Variants in TBL1XR1 observed in about 807,000 individuals in gnomAD.
TBL1XR1 encodes TBL1X/Y related 1, also known as F-box-like/WD repeat-containing protein TBL1XR1.
In TBL1XR1, 5 loss-of-function variants were observed where a neutral mutation model predicts 66.9. The ratio of observed to expected loss-of-function variants is 0.07; its 90% CI spans 0.04 to 0.16. The LOEUF (loss-of-function observed/expected upper bound fraction) is 0.16, where lower values mean the gene tolerates loss of function less well. Ranked by LOEUF, TBL1XR1 falls within the 10% of genes least tolerant of loss-of-function variation. The pLI, the probability that TBL1XR1 is intolerant of heterozygous loss-of-function variation, is 1.00. For missense variants in TBL1XR1, 238 were observed against 623.2 expected, an observed-to-expected ratio of 0.38 and a Z score of 6.58; for synonymous variants, 210 against 206.0, an observed-to-expected ratio of 1.02 and a Z score of -0.17.
At chr3:177,049,958 A>G in intron 7 of TBL1XR1, 39 bp downstream of exon 7, 3 of 1,604,046 alleles carry the variant, frequency 1.9e-6, no homozygotes, top group Non-Finnish European at 2.6e-6. Flanking sequence ...GGTTAGGTAT[A>G]CTAGTAATTA....
At chr3:177,117,374 A>G (rs1726428183) in intron 1 of TBL1XR1, among the ~76,000 whole-genome samples, 1 of 152,246 alleles carries the variant, frequency 6.6e-6, no homozygotes, top group Non-Finnish European at 1.5e-5. Flanking sequence ...TAAGGCTTCC[A>G]TTAAAGCCTG....
At chr3:177,036,300 T>C (rs1714773814) in intron 12 of TBL1XR1, among the ~76,000 whole-genome samples, 1 of 152,214 alleles carries the variant, frequency 6.6e-6, no homozygotes, top group African/African-American at 2.4e-5. Context: ...ATCTTGAGCT[T>C]ACAGTTCTCT....
chr3:177,156,547 A>ACT (rs1274343531), intron 1 of TBL1XR1, among the ~76,000 whole-genome samples: 2 of 145,506 alleles, frequency 1.4e-5, no homozygotes, highest in African/African-American at 2.5e-5. Context: ...ACACACACAC[A>ACT]CTTATATATA....
intron 2 of TBL1XR1, among the ~76,000 whole-genome samples, chr3:177,081,292 T>G (rs1254024065): frequency 6.6e-6 from 1 of 152,214 alleles, no homozygotes; most frequent in East Asian, 1.9e-4. Context: ...TACATGAAAT[T>G]TATTTTTCAT....
chr3:177,091,140 T>G (rs67841243), intron 2 of TBL1XR1: 1 of 151,952 alleles, frequency 6.6e-6, no homozygotes, highest in Non-Finnish European at 1.5e-5. Context: ...AGATTACACA[T>G]GAGGACTTAC....
intron 2 of TBL1XR1, among the ~76,000 whole-genome samples, chr3:177,085,534 T>C (rs183265986): frequency 6.6e-6 from 1 of 152,076 alleles, no homozygotes; most frequent in Non-Finnish European, 1.5e-5. Context: ...TTCTCAAAGA[T>C]GCCCATGAAG....
intron 7 of TBL1XR1, among the ~76,000 whole-genome samples, chr3:177,048,089 C>A (rs998284241): frequency 6.6e-6 from 1 of 152,014 alleles, no homozygotes; most frequent in Non-Finnish European, 1.5e-5. Context: ...TAATCCCTTC[C>A]CACTATGAAA....
intron 1 of TBL1XR1, chr3:177,131,508 ATCTT>A: frequency 4.5e-6 from 2 of 444,342 alleles, no homozygotes; most frequent in Non-Finnish European, 5.6e-6. Flanking sequence ...CATTCTGAAT[ATCTT>A]TTTTTTTTTT....
At chr3:177,044,735 T>C (rs1015337193) in intron 10 of TBL1XR1, 1 of 152,172 alleles carries the variant, frequency 6.6e-6, no homozygotes, top group African/African-American at 2.4e-5. Flanking sequence ...CTGAAGCTTA[T>C]TTATTCGTAA....
chr3:177,141,130 CTCTT>C (rs1729582115), intron 1 of TBL1XR1, among the ~76,000 whole-genome samples: 1 of 152,196 alleles, frequency 6.6e-6, no homozygotes, highest in Non-Finnish European at 1.5e-5. Flanking sequence ...TTAATACTGA[CTCTT>C]TAGTATAATT....
chr3:177,028,196 T>A (rs1026963051), intron 14 of TBL1XR1, among the ~76,000 whole-genome samples: 2 of 152,178 alleles, frequency 1.3e-5, no homozygotes, highest in African/African-American at 4.8e-5. Context: ...CAACTCATCA[T>A]ACAAGAAAGG....
chr3:177,130,311 C>T (rs1010751624), intron 1 of TBL1XR1, among the ~76,000 whole-genome samples: 1 of 151,978 alleles, frequency 6.6e-6, no homozygotes, highest in African/African-American at 2.4e-5. Flanking sequence ...TAAAAAGAAA[C>T]AACCAATTCT....
upstream of TBL1XR1, among the ~76,000 whole-genome samples, chr3:177,197,618 C>CCGGGCGGG (rs1311855525): frequency 1.1e-4 from 15 of 130,772 alleles, no homozygotes; most frequent in South Asian, 2.4e-3. Context: ...GCGGCCTGCG[C>CCGGGCGGG]CGGGCGGGCG....
chr3:177,148,747 C>T (rs1730535510), intron 1 of TBL1XR1, among the ~76,000 whole-genome samples: 2 of 151,946 alleles, frequency 1.3e-5, no homozygotes, highest in African/African-American at 2.4e-5. Flanking sequence ...CGATGGCTCA[C>T]GCCTGTAATC....
rs1491062826 is a variant in TBL1XR1, at chr3:177,149,016, AAG to A, written c.-122+48103_-122+48104del. On this transcript the variant is annotated intron_variant, in intron 1 of 15. Coordinates refer to ENST00000457928, the MANE Select transcript of TBL1XR1 (RefSeq NM_024665.7). ...GCAAAACTCCCTCAAAAAAAAAGAAAAGAAAAGAAAAGAAAAAACTCCAGGAG... is the reference window on the plus strand; with the variant it reads ...GCAAAACTCCCTCAAAAAAAAAGAAAAAAAGAAAAGAAAAAACTCCAGGAG... Among the ~76,000 whole-genome samples the A allele has an allele frequency of 7.1e-3, 447 of 62,546 alleles. 5 individuals carry two copies. The highest frequency in any genetic ancestry group is 0.012 in the African/African-American group (239 of 20,770). The allele number at this position is 62,546 out of a possible 152,430, so 41.0% of individuals were successfully genotyped here.
intron 1 of TBL1XR1, among the ~76,000 whole-genome samples, chr3:177,159,445 G>A (rs1190438219): frequency 6.6e-6 from 1 of 152,026 alleles, no homozygotes; most frequent in Non-Finnish European, 1.5e-5. Flanking sequence ...AAATACTATA[G>A]AAAAGTCAAT....
intron 3 of TBL1XR1, among the ~76,000 whole-genome samples, chr3:177,064,114 C>CT (rs1323559021): frequency 6.6e-6 from 1 of 152,172 alleles, no homozygotes; most frequent in East Asian, 1.9e-4. Context: ...CCAAAATTAT[C>CT]TTTTTTATGG....
At chr3:177,127,067 A>C (rs1727725831) in intron 1 of TBL1XR1, among the ~76,000 whole-genome samples, 1 of 152,204 alleles carries the variant, frequency 6.6e-6, no homozygotes, top group African/African-American at 2.4e-5. Flanking sequence ...TGTTTTAAAG[A>C]GTAATCTGCC....
In TBL1XR1 at chr3:177,083,642, C is replaced by T. The variant is rs559964508; in HGVS notation, c.-46+14824G>A. ...CATATAGAAAAAAAATGAATATCCA[C>T]ATAGCTACCACCTACAATTTAAAAT... On this transcript the variant is annotated intron_variant, in intron 2 of 15. Coordinates refer to ENST00000457928, the MANE Select transcript of TBL1XR1 (RefSeq NM_024665.7). 2.0e-5 allele frequency among the ~76,000 whole-genome samples: 3 copies of T among 152,324 alleles called. No homozygotes were observed. The South Asian group carries it at 6.2e-4, about 32-fold the overall frequency.
Sources: allele counts gnomAD v4.1 joint callset (sites outside exome capture counted in the v4.1 genomes callset), GRCh38; gene constraint gnomAD v4.1.1; transcripts MANE v1.5; gene names NCBI Gene and HGNC (gene_info 2026-07-23, HGNC 2026-07-21).